SMARCA5: variants seen among roughly 807,000 people sequenced by gnomAD.
SMARCA5 encodes the protein SWI/SNF-related matrix-associated actin-dependent regulator of chromatin subfamily A member 5.
SMARCA5 carries 18 observed loss-of-function variants against 140.4 expected under a neutral mutation model. That is an observed-to-expected ratio of 0.13 (90% CI 0.09 to 0.19). The LOEUF is 0.19. Ranked by LOEUF, SMARCA5 falls within the 10% of genes least tolerant of loss-of-function variation. The probability of loss-of-function intolerance (pLI) is 1.00; values close to 1 mark genes in which losing one functional copy is unlikely to be tolerated. For missense variants in SMARCA5, 606 were observed against 1,276.8 expected (o/e 0.47, Z 8.01); for synonymous variants, 449 against 419.6 (o/e 1.07, Z -0.86).
intron 3 of SMARCA5, among the ~76,000 whole-genome samples, chr4:143,522,753 T>C (rs1269784423): frequency 6.6e-6 from 1 of 152,204 alleles, no homozygotes; most frequent in African/African-American, 2.4e-5. Flanking sequence ...TGTTATGGGA[T>C]AGTCAGTATG....
rs1231639223 is a variant in SMARCA5 at position 143,556,873 on chromosome 4, A to ACCC, written c.*3689_*3690insCCC. 1 of 152,242 alleles carries ACCC rather than the reference A, an allele frequency of 6.6e-6. No individual in the cohort carries two copies. The highest frequency in any genetic ancestry group is 2.4e-5 in the African/African-American group (1 of 41,454). The allele number at this position is 152,242 out of a possible 1,614,324, so 9.4% of individuals were successfully genotyped here. A position where few individuals can be genotyped will look rare whatever the true frequency, so the allele number is the denominator to read the frequency against. On this transcript the variant is annotated 3_prime_UTR_variant, in exon 24 of 24. Transcript: ENST00000283131. ...TTTACAGTAGTTACCAGAAAAGACT[A>ACCC]TGCTACAAGAACCAAAATTGAAGTA... is the stretch of plus-strand genomic sequence containing the variant.
chr4:143,543,231 T>A (rs138909835), intron 14 of SMARCA5, among the ~76,000 whole-genome samples: 301 of 152,338 alleles, frequency 2.0e-3, no homozygotes, highest in Non-Finnish European at 3.2e-3. Flanking sequence ...ATTTTTCATA[T>A]GCAGCTTTCA....
chr4:143,535,360 T>C (rs1320337369), intron 10 of SMARCA5, among the ~76,000 whole-genome samples: 3 of 152,198 alleles, frequency 2.0e-5, no homozygotes, highest in Admixed American at 6.5e-5. Flanking sequence ...GGCCTTAATG[T>C]AAATGTAGTG....
At chr4:143,516,958 T>C (rs952754392) in intron 1 of SMARCA5, among the ~76,000 whole-genome samples, 1 of 152,174 alleles carries the variant, frequency 6.6e-6, no homozygotes, top group African/African-American at 2.4e-5. Flanking sequence ...GACATTTGTG[T>C]GGTAGCACAG....
At chr4:143,526,635 G>A (rs925861019) in intron 6 of SMARCA5, among the ~76,000 whole-genome samples, 175 bp downstream of exon 6, 7 of 152,108 alleles carry the variant, frequency 4.6e-5, no homozygotes, top group Non-Finnish European at 1.0e-4. Context: ...GCCGAGGCGG[G>A]TGGATCATGA....
At chr4:143,552,782 AT>A (rs1737669476) in intron 23 of SMARCA5, among the ~76,000 whole-genome samples, 1 of 152,024 alleles carries the variant, frequency 6.6e-6, no homozygotes, top group African/African-American at 2.4e-5. Context: ...TCTGGATAAT[AT>A]TTGGTACTTA....
chr4:143,546,079 A>T (rs1737518503), intron 19 of SMARCA5, 32 bp downstream of exon 19: 8 of 1,537,222 alleles, frequency 5.2e-6, no homozygotes, highest in Non-Finnish European at 7.0e-6. Context: ...AACTTTAGTA[A>T]CAGTTTGTTG....
intron 9 of SMARCA5, among the ~76,000 whole-genome samples, 170 bp from the exon 10 acceptor site, chr4:143,534,684 TC>T (rs958855276): frequency 6.6e-6 from 1 of 152,138 alleles, no homozygotes. Context: ...GGAACTAGTC[TC>T]CCACAGATAC....
At chr4:143,514,944 A>AG (rs1303446790) in intron 1 of SMARCA5, among the ~76,000 whole-genome samples, 1 of 151,886 alleles carries the variant, frequency 6.6e-6, no homozygotes, top group Non-Finnish European at 1.5e-5. Context: ...GACAGTACTG[A>AG]GGGGGCTGGA....
chr4:143,544,646 A>G, intron 16 of SMARCA5, 91 bp from the exon 17 acceptor site: 1 of 747,394 alleles, frequency 1.3e-6, no homozygotes, highest in Non-Finnish European at 2.3e-6. Flanking sequence ...GATTTTGTGA[A>G]TATCTTTACA....
At chr4:143,538,522 G>A (rs1560818970) in intron 11 of SMARCA5, 68 bp from the exon 12 acceptor site, 1 of 1,351,392 alleles carries the variant, frequency 7.4e-7, no homozygotes, top group Non-Finnish European at 1.0e-6. Context: ...ATTAGTCTTA[G>A]TTTTGGTTAC....
intron 17 of SMARCA5, 101 bp from the exon 18 acceptor site, chr4:143,545,369 C>A: frequency 1.4e-6 from 1 of 717,036 alleles, no homozygotes; most frequent in South Asian, 1.6e-5. Flanking sequence ...CATTCAGTTG[C>A]TTGCAGAATT....
At chr4:143,539,860 T>C (rs1034104535) in intron 13 of SMARCA5, among the ~76,000 whole-genome samples, 1 of 152,130 alleles carries the variant, frequency 6.6e-6, no homozygotes, top group African/African-American at 2.4e-5. Context: ...CATCTTGTAC[T>C]CTTACTAAGG....
intron 13 of SMARCA5, among the ~76,000 whole-genome samples, chr4:143,539,185 T>TA (rs1007477206): frequency 1.3e-5 from 2 of 152,250 alleles, no homozygotes; most frequent in African/African-American, 4.8e-5. Context: ...GGGGAAACGA[T>TA]AGAGTTGGGG....
rs542993984 is a variant in SMARCA5 at position 143,553,393 on chromosome 4, A to C, written c.*209A>C. On this transcript the variant is annotated 3_prime_UTR_variant, in exon 24 of 24. Coordinates refer to ENST00000283131, the MANE Select transcript of SMARCA5 (RefSeq NM_003601.4). ...TTTTTTATCATTAACACTTGAAGTA[A>C]TAAAATAGGCTTCATTTATTACTAA... The C allele has an allele frequency of 4.5e-6, 2 of 441,654 alleles. No homozygotes were observed. The highest frequency in any genetic ancestry group is 1.2e-3 in the Middle Eastern group (2 of 1,680). The allele number at this position is 441,654 out of a possible 1,614,324, so 27.4% of individuals were successfully genotyped here. A position where few individuals can be genotyped will look rare whatever the true frequency, so the allele number is the denominator to read the frequency against.
chr4:143,528,830 TG>T, intron 8 of SMARCA5, 116 bp downstream of exon 8: 1 of 843,732 alleles, frequency 1.2e-6, no homozygotes, highest in Non-Finnish European at 1.7e-6. Context: ...TAATTTTTTA[TG>T]CTTTTATTTA....
intron 10 of SMARCA5, 59 bp from the exon 11 acceptor site, chr4:143,536,393 G>A: frequency 8.7e-7 from 1 of 1,143,006 alleles, no homozygotes; most frequent in South Asian, 1.3e-5. Context: ...AGTATGTAAA[G>A]TGGCAGGGAT....
intron 22 of SMARCA5, among the ~76,000 whole-genome samples, chr4:143,549,470 T>G (rs1002750998): frequency 2.6e-5 from 4 of 152,066 alleles, no homozygotes; most frequent in African/African-American, 7.2e-5. Context: ...TATGTCCAGT[T>G]TGCCAGAGAG....
At chr4:143,545,646 T>A in intron 18 of SMARCA5, 63 bp downstream of exon 18, 1 of 994,382 alleles carries the variant, frequency 1.0e-6, no homozygotes, top group Non-Finnish European at 1.5e-6. Flanking sequence ...GTATAAACAT[T>A]AGTTATAAAT....
Sources: allele counts gnomAD v4.1 joint callset (sites outside exome capture counted in the v4.1 genomes callset), GRCh38; gene constraint gnomAD v4.1.1; transcripts MANE v1.5; gene names NCBI Gene and HGNC (gene_info 2026-07-23, HGNC 2026-07-21).